PDE4D: variants seen among roughly 807,000 people sequenced by gnomAD.
The protein encoded by PDE4D is 3',5'-cyclic-AMP phosphodiesterase 4D.
Under a neutral mutation model 87.4 loss-of-function variants are expected in PDE4D, and 24 were observed. The observed-to-expected ratio is 0.27, with a 90% confidence interval of 0.20 to 0.39. The LOEUF is 0.39. Among genes scored for constraint, PDE4D ranks in the 10% least tolerant of loss-of-function variants. The pLI, the probability that PDE4D is intolerant of heterozygous loss-of-function variation, is 1.00. For synonymous variants in PDE4D, 384 were observed against 383.2 expected, an observed-to-expected ratio of 1.00 and a Z score of -0.02; for missense variants, 714 against 1,041.0, an observed-to-expected ratio of 0.69 and a Z score of 4.32.
chr5:60,128,509 G>A (rs1364951969), intron 2 of PDE4D, among the ~76,000 whole-genome samples: 3 of 152,184 alleles, frequency 2.0e-5, no homozygotes, highest in African/African-American at 4.8e-5. Flanking sequence ...ATACTGATGG[G>A]AGAGAAGTCT....
At chr5:59,551,852 T>C (rs1284134179) in intron 1 of PDE4D, among the ~76,000 whole-genome samples, 1 of 152,188 alleles carries the variant, frequency 6.6e-6, no homozygotes, top group Non-Finnish European at 1.5e-5. Context: ...AAAAAACCCT[T>C]CTAATTTCTT....
chr5:59,337,322 T>C lies in PDE4D; in HGVS notation c.456-121354A>G, dbSNP rs533183699. 2.9e-3 allele frequency among the ~76,000 whole-genome samples: 400 copies of C among 136,102 alleles called. 1 individual carries two copies. The highest frequency in any genetic ancestry group is 0.01 in the African/African-American group (361 of 35,234). 89.3% of individuals were successfully genotyped at this position (136,102 alleles called of 152,430 possible). On this transcript the variant is annotated intron_variant, in intron 1 of 14. Transcript: ENST00000340635. ...GGTATAAGTGAAAGGCATTCATAAG[T>C]TCCCCCCCCCCCACCTTTTTTTTTT... is the stretch of plus-strand genomic sequence containing the variant.
intron 1 of PDE4D, among the ~76,000 whole-genome samples, chr5:60,463,969 T>C (rs1198029701): frequency 6.6e-6 from 1 of 152,206 alleles, no homozygotes; most frequent in African/African-American, 2.4e-5. Flanking sequence ...TAGTTTCTAA[T>C]CCAACAATAA....
chr5:59,655,964 T>G (rs532732610), intron 1 of PDE4D, among the ~76,000 whole-genome samples: 1 of 152,312 alleles, frequency 6.6e-6, no homozygotes, highest in South Asian at 2.1e-4. Context: ...CTATGTTCAT[T>G]TGTCCAGTCT....
At chr5:59,211,872 T>A (rs1470225083) in intron 2 of PDE4D, among the ~76,000 whole-genome samples, 2 of 152,140 alleles carry the variant, frequency 1.3e-5, no homozygotes, top group Admixed American at 1.3e-4. Context: ...TTCCTTCTTC[T>A]CACTTTCCCA....
intron 1 of PDE4D, among the ~76,000 whole-genome samples, chr5:59,825,933 T>C (rs1189512165): frequency 6.6e-6 from 1 of 152,144 alleles, no homozygotes; most frequent in African/African-American, 2.4e-5. Flanking sequence ...GGAAAGCTGG[T>C]GATGGGAATA....
chr5:59,059,027 T>C (rs1762754044), intron 5 of PDE4D, among the ~76,000 whole-genome samples: 1 of 152,144 alleles, frequency 6.6e-6, no homozygotes, highest in Non-Finnish European at 1.5e-5. Context: ...AGACAGAAAT[T>C]AAAATGTGCT....
At chr5:59,061,073 A>T (rs10068543) in intron 5 of PDE4D, among the ~76,000 whole-genome samples, 42 of 152,128 alleles carry the variant, frequency 2.8e-4, no homozygotes, top group Non-Finnish European at 3.5e-4. Flanking sequence ...CAGTTGAATG[A>T]TACAAATGTT....
chr5:60,011,288 C>A (rs1457908586), intron 2 of PDE4D, among the ~76,000 whole-genome samples: 3 of 152,058 alleles, frequency 2.0e-5, no homozygotes, highest in Middle Eastern at 3.2e-3. Context: ...GGGTCAAAGA[C>A]CTATGCATAG....
intron 1 of PDE4D, among the ~76,000 whole-genome samples, chr5:60,421,229 C>T (rs1561234404): frequency 6.6e-6 from 1 of 152,246 alleles, no homozygotes; most frequent in South Asian, 2.1e-4. Context: ...CAGACTGCCT[C>T]CTCAAGTGGG....
intron 2 of PDE4D, among the ~76,000 whole-genome samples, chr5:60,096,947 C>G (rs1775737578): frequency 6.6e-6 from 1 of 152,070 alleles, no homozygotes; most frequent in Non-Finnish European, 1.5e-5. Context: ...CAGAAAACAT[C>G]ATTAAAATGG....
chr5:59,160,643 C>T (rs1482454083), intron 5 of PDE4D, among the ~76,000 whole-genome samples: 1 of 152,082 alleles, frequency 6.6e-6, no homozygotes, highest in South Asian at 2.1e-4. Context: ...CACGCCTGCC[C>T]CCCAAGGTGA....
At chr5:59,271,886 G>C (rs1013205000) in intron 1 of PDE4D, among the ~76,000 whole-genome samples, 5 of 151,062 alleles carry the variant, frequency 3.3e-5, no homozygotes, top group African/African-American at 4.9e-5. Context: ...GAAAAGAGAG[G>C]CAGTCCCCCT....
intron 1 of PDE4D, among the ~76,000 whole-genome samples, chr5:59,439,824 G>T (rs1201622668): frequency 1.3e-5 from 2 of 152,102 alleles, no homozygotes; most frequent in African/African-American, 4.8e-5. Context: ...ACTCAAAAAG[G>T]GATAAAAGGG....
At chr5:60,116,256 C>T (rs1441188957) in intron 2 of PDE4D, among the ~76,000 whole-genome samples, 1 of 152,050 alleles carries the variant, frequency 6.6e-6, no homozygotes. Context: ...ACAGACCAAC[C>T]TAGATGGTGT....
intron 1 of PDE4D, among the ~76,000 whole-genome samples, chr5:59,582,520 A>G (rs992972548): frequency 2.6e-5 from 4 of 152,202 alleles, no homozygotes; most frequent in African/African-American, 4.8e-5. Flanking sequence ...AAACACATAT[A>G]CATGCAAATT....
chr5:59,881,602 A>T (rs1027425571), intron 1 of PDE4D, among the ~76,000 whole-genome samples: 2 of 152,280 alleles, frequency 1.3e-5, no homozygotes, highest in Middle Eastern at 3.4e-3. Flanking sequence ...ACTTACTTTT[A>T]ACAGTATATT....
chr5:60,345,423 G>A (rs1374472781), intron 1 of PDE4D, among the ~76,000 whole-genome samples: 1 of 151,414 alleles, frequency 6.6e-6, no homozygotes, highest in Non-Finnish European at 1.5e-5. Flanking sequence ...TTGTGCACAT[G>A]TACCCTAGAA....
intron 5 of PDE4D, among the ~76,000 whole-genome samples, chr5:59,089,751 A>T (rs1455265273): frequency 6.6e-6 from 1 of 152,184 alleles, no homozygotes; most frequent in African/African-American, 2.4e-5. Context: ...GCATTTAAGG[A>T]TGTCATCTGA....
Sources: gnomAD v4.1 joint callset for allele counts (sites outside exome capture counted in the v4.1 genomes callset) on GRCh38, gnomAD v4.1.1 for gene constraint, MANE v1.5 for transcripts, NCBI Gene and HGNC (gene_info 2026-07-23, HGNC 2026-07-21) for gene names.